The following ATP2A2 variants were observed in gnomAD, a reference collection of about 807,000 sequenced individuals.
The protein encoded by ATP2A2 is ATPase sarcoplasmic/endoplasmic reticulum Ca2+ transporting 2.
A neutral mutation model predicts 109.3 loss-of-function variants in ATP2A2; 14 were observed. The observed-to-expected ratio is 0.13, with a 90% CI of 0.08 to 0.20. The LOEUF is 0.20. Ranked by LOEUF, ATP2A2 falls within the 10% of genes least tolerant of loss-of-function variation. The probability of loss-of-function intolerance (pLI) is 1.00; values close to 1 mark genes in which losing one functional copy is unlikely to be tolerated. For synonymous variants in ATP2A2, 506 were observed against 490.9 expected, an observed-to-expected ratio of 1.03 and a Z score of -0.41; for missense variants, 657 against 1,321.6, an observed-to-expected ratio of 0.50 and a Z score of 7.80.
chr12:110,329,261 CAAG>C (rs1366363049), intron 8 of ATP2A2: 3 of 152,100 alleles, frequency 2.0e-5, no homozygotes, highest in Non-Finnish European at 4.4e-5. Flanking sequence ...GGAATAATGA[CAAG>C]AAAAAAATGT....
chr12:110,338,563 G>C (rs1190780879), intron 11 of ATP2A2, among the ~76,000 whole-genome samples: 1 of 152,152 alleles, frequency 6.6e-6, no homozygotes, highest in Non-Finnish European at 1.5e-5. Flanking sequence ...GCTTTAAGCA[G>C]TTCTCCTGCC....
chr12:110,330,774 T>C (rs781028143), intron 8 of ATP2A2: 3 of 152,348 alleles, frequency 2.0e-5, no homozygotes, highest in Non-Finnish European at 4.4e-5. Flanking sequence ...GCAGGAGGCT[T>C]CTTGCAGTGG....
rs1452412821 is a variant in ATP2A2 at position 110,346,312 on chromosome 12, C to T, written c.2971C>T (p.Leu991=). The T allele has an allele frequency of 1.2e-6, 2 of 1,614,198 alleles. No individual in the cohort carries two copies. The highest frequency in any genetic ancestry group is 1.6e-4 in the Middle Eastern group (1 of 6,062). ...GCTCAAGTTTGTGGCCCGCAACTAC[C>T]TGGAACCTGGTAAAGAGTGTGTGCA... The part of the protein sequence containing the change: ...ETLKFVARNY[L]EPGKECVQPA... Residue 991 remains leucine, a synonymous_variant, in exon 20 of 20, where the codon CTG becomes TTG. Coordinates refer to ENST00000539276, the MANE Select transcript of ATP2A2 (RefSeq NM_170665.4).
chr12:110,317,699 A>G (rs1293942750), intron 5 of ATP2A2, among the ~76,000 whole-genome samples: 2 of 152,108 alleles, frequency 1.3e-5, no homozygotes, highest in African/African-American at 4.8e-5. Flanking sequence ...AGTTTTAACC[A>G]TCAGTATTTA....
rs1880345047 is a variant in ATP2A2, at chr12:110,351,035, G to C, written c.*4565G>C. The C allele has an allele frequency of 6.6e-6, 1 of 152,478 alleles. No homozygotes were observed. 9.4% of individuals were successfully genotyped at this position (152,478 alleles called of 1,614,324 possible). ...AGATCAGTTTGTTTCTTTCTGTGCT[G>C]GTAACAATGAGCGTCGCACAGACAT... On this transcript the variant is annotated 3_prime_UTR_variant, in exon 20 of 20. Coordinates refer to ENST00000539276, the MANE Select transcript of ATP2A2 (RefSeq NM_170665.4).
chr12:110,341,123 T>C (rs1436830816), intron 14 of ATP2A2, 129 bp downstream of exon 14: 12 of 1,010,272 alleles, frequency 1.2e-5, no homozygotes, highest in Non-Finnish European at 1.6e-5. Context: ...GTCTTTTCTC[T>C]AGAATTCGGT....
At chr12:110,317,230 A>G (rs1379600626) in intron 5 of ATP2A2, among the ~76,000 whole-genome samples, 1 of 152,196 alleles carries the variant, frequency 6.6e-6, no homozygotes, top group Non-Finnish European at 1.5e-5. Context: ...TGTGTTTCCT[A>G]GGAGCCATTT....
intron 3 of ATP2A2, among the ~76,000 whole-genome samples, chr12:110,291,764 A>G (rs957466713): frequency 2.0e-5 from 3 of 150,252 alleles, no homozygotes; most frequent in African/African-American, 7.4e-5. Context: ...CTCTTGCCTC[A>G]GCCTCCTGAG....
At chr12:110,332,561 C>T (rs757398911) in intron 8 of ATP2A2, 36 bp from the exon 9 acceptor site, 6 of 1,523,356 alleles carry the variant, frequency 3.9e-6, no homozygotes, top group East Asian at 2.3e-5. Context: ...TTTTAAAAAT[C>T]CCTTTTAAAT....
intron 11 of ATP2A2, among the ~76,000 whole-genome samples, chr12:110,337,694 A>G (rs1028282752): frequency 1.3e-5 from 2 of 152,224 alleles, no homozygotes; most frequent in Non-Finnish European, 2.9e-5. Flanking sequence ...GGGAGCAAAT[A>G]TAATTAACTC....
chr12:110,309,140 A>ATTTTTTTTTTTTTTTTTTTTTT (rs10665212), intron 5 of ATP2A2, among the ~76,000 whole-genome samples: 18 of 48,902 alleles, frequency 3.7e-4, no homozygotes, highest in South Asian at 1.2e-3. Context: ...AAGGAAACTA[A>ATTTTTTTTTTTTTTTTTTTTTT]TTTTTTTTTT....
intron 6 of ATP2A2, 44 bp downstream of exon 6, chr12:110,323,116 C>G: frequency 6.9e-7 from 1 of 1,440,002 alleles, no homozygotes; most frequent in Non-Finnish European, 9.8e-7. Context: ...AAGACCTTCG[C>G]ATATTCCATG....
intron 3 of ATP2A2, among the ~76,000 whole-genome samples, chr12:110,290,856 G>A (rs377337304): frequency 4.0e-5 from 6 of 151,848 alleles, no homozygotes; most frequent in African/African-American, 1.2e-4. Context: ...TACCTGTCTC[G>A]GCCTCCCAAA....
Position 110,339,727 on chromosome 12 carries a change from C to T in ATP2A2, c.1761+6C>T, listed in dbSNP as rs781440226. 8.1e-6 allele frequency: 13 copies of T among 1,613,302 alleles called. No homozygotes were observed. Among genetic ancestry groups the T allele is most frequent in the Non-Finnish European group, 1.1e-5 (13 of 1,179,788 alleles). On this transcript the variant is annotated splice_donor_region_variant and intron_variant, in intron 13 of 19. Transcript: ENST00000539276. This position sits in a 1 kb window ranked among gnomAD's most constrained non-coding sequence, Gnocchi z 4.4. ...CCAACTTTATTAAATATGAGGTTAGCTAATGAAAAGTTTCTTTGTCCACAC... is the reference window on the plus strand; with the variant it reads ...CCAACTTTATTAAATATGAGGTTAGTTAATGAAAAGTTTCTTTGTCCACAC...
chr12:110,310,337 C>G lies in ATP2A2; in HGVS notation c.464-12655C>G, dbSNP rs116480089. Among the ~76,000 whole-genome samples the G allele has an allele frequency of 8.2e-3, 1,230 of 150,584 alleles. 1 individual carries two copies. Among genetic ancestry groups the G allele is most frequent in the Non-Finnish European group, 9.5e-3 (641 of 67,602 alleles). On this transcript the variant is annotated intron_variant, in intron 5 of 19. Coordinates refer to ENST00000539276, the MANE Select transcript of ATP2A2 (RefSeq NM_170665.4). ...GACAAGGTCTCCCTGTATTACCCAGCCTAGTCTCAAACTCCTGGGCTCAAG... is the reference window on the plus strand; with the variant it reads ...GACAAGGTCTCCCTGTATTACCCAGGCTAGTCTCAAACTCCTGGGCTCAAG...
chr12:110,335,421 T>C (rs933403358), intron 11 of ATP2A2, among the ~76,000 whole-genome samples: 5 of 152,156 alleles, frequency 3.3e-5, no homozygotes, highest in African/African-American at 1.2e-4. Context: ...CCCAACACTT[T>C]GGGAAGCTGA....
chr12:110,344,820 G>C, intron 16 of ATP2A2, 66 bp from the exon 17 acceptor site: 1 of 1,499,210 alleles, frequency 6.7e-7, no homozygotes, highest in Non-Finnish European at 9.3e-7. Flanking sequence ...GGACTGGCCT[G>C]CATGGCCTCG....
At chr12:110,307,847 T>A (rs552689120) in intron 5 of ATP2A2, among the ~76,000 whole-genome samples, 44 of 152,358 alleles carry the variant, frequency 2.9e-4, no homozygotes, top group African/African-American at 1.0e-3. Flanking sequence ...AACTCTTTCG[T>A]TTAACTAGGT....
intron 8 of ATP2A2, among the ~76,000 whole-genome samples, chr12:110,328,500 C>T (rs561392923): frequency 1.3e-5 from 2 of 152,208 alleles, no homozygotes; most frequent in East Asian, 1.9e-4. Context: ...ACCTGGGCAG[C>T]GGAGGTTGCA....
Sources: gnomAD v4.1 joint callset for allele counts (sites outside exome capture counted in the v4.1 genomes callset) on GRCh38, gnomAD v4.1.1 for gene constraint, Gnocchi (gnomAD v3.1) non-coding constraint, MANE v1.5 for transcripts, NCBI Gene and HGNC (gene_info 2026-07-23, HGNC 2026-07-21) for gene names.